Variants in PINX1 observed in about 807,000 individuals in gnomAD.
The protein encoded by PINX1 is PIN2/TERF1-interacting telomerase inhibitor 1.
Under a neutral mutation model 25.4 loss-of-function variants are expected in PINX1, and 34 were observed. The observed-to-expected ratio is 1.34, with a 90% CI of 1.02 to 1.78. The LOEUF is 1.78. Ranked by LOEUF, PINX1 falls within the 40% of genes most tolerant of loss-of-function variation. The pLI is 0.00. For missense variants in PINX1, 592 were observed against 404.9 expected, an observed-to-expected ratio of 1.46 and a Z score of -3.97; for synonymous variants, 197 against 147.7, an observed-to-expected ratio of 1.33 and a Z score of -2.42.
chr8:10,796,602 G>A (rs998180276), intron 6 of PINX1, among the ~76,000 whole-genome samples: 2 of 152,036 alleles, frequency 1.3e-5, no homozygotes, highest in South Asian at 2.1e-4. Flanking sequence ...TAAAATATGG[G>A]AAGTCCTAGA....
intron 3 of PINX1, among the ~76,000 whole-genome samples, chr8:10,831,981 T>G (rs6992312): frequency 0.058 from 8,766 of 152,302 alleles, 302 homozygotes; most frequent in South Asian, 0.079. Context: ...ATTTCAAATG[T>G]GAATGACTTA....
At chr8:10,825,562 G>T in intron 5 of PINX1, 1 of 468,818 alleles carries the variant, frequency 2.1e-6, no homozygotes, top group Non-Finnish European at 4.4e-6. Flanking sequence ...CACATACTGG[G>T]AAGGGGCTAG....
intron 6 of PINX1, among the ~76,000 whole-genome samples, chr8:10,786,881 C>T (rs1354358190): frequency 1.3e-5 from 2 of 152,312 alleles, no homozygotes; most frequent in East Asian, 3.9e-4. Context: ...GCAGATTGCA[C>T]CCCACTGTGG....
chr8:10,824,784 G>A (rs1797986704), intron 5 of PINX1, among the ~76,000 whole-genome samples: 2 of 152,326 alleles, frequency 1.3e-5, no homozygotes, highest in Middle Eastern at 3.4e-3. Flanking sequence ...AGGTCACTGA[G>A]TTTTATTAAT....
At chr8:10,804,954 T>C (rs934141326) in intron 6 of PINX1, among the ~76,000 whole-genome samples, 1 of 151,246 alleles carries the variant, frequency 6.6e-6, no homozygotes, top group Non-Finnish European at 1.5e-5. Context: ...CGAGAAGACT[T>C]GGTTTGACGC....
At chr8:10,804,848 C>T (rs1193334478) in intron 6 of PINX1, among the ~76,000 whole-genome samples, 1 of 151,852 alleles carries the variant, frequency 6.6e-6, no homozygotes, top group Non-Finnish European at 1.5e-5. Flanking sequence ...TGTACTTTGT[C>T]CCCCACAACC....
At chr8:10,835,974 T>G (rs1038925111) in intron 1 of PINX1, among the ~76,000 whole-genome samples, 10 of 152,200 alleles carry the variant, frequency 6.6e-5, no homozygotes, top group Middle Eastern at 3.4e-3. Flanking sequence ...AGCACAAGAA[T>G]GTCAAACTGA....
rs2271355 is a variant in PINX1 at position 10,834,648 on chromosome 8, C to T, written c.129+18G>A. On this transcript the variant is annotated intron_variant, in intron 2 of 6. Transcript: ENST00000314787. ...TCTTTTCATAGCTCAGATTTTTTTC[C>T]GCTTTTCTCCAAAATACCTTTCCTT... is the stretch of plus-strand genomic sequence containing the variant. 0.54 allele frequency: 861,519 copies of T among 1,605,908 alleles called. 238,294 individuals are homozygous for T. The highest frequency in any genetic ancestry group is 0.69 in the African/African-American group (51,308 of 74,636).
chr8:10,775,502 A>C (rs997243549), intron 6 of PINX1, among the ~76,000 whole-genome samples: 3 of 151,036 alleles, frequency 2.0e-5, no homozygotes, highest in African/African-American at 7.3e-5. Flanking sequence ...AAGTTAAAAA[A>C]GTTAGCAGAA....
At chr8:10,794,550 C>A (rs906789996) in intron 6 of PINX1, among the ~76,000 whole-genome samples, 20 of 151,964 alleles carry the variant, frequency 1.3e-4, no homozygotes, top group Admixed American at 6.6e-5. Flanking sequence ...GATTCTCCTG[C>A]CAAGTAGCTG....
intron 6 of PINX1, among the ~76,000 whole-genome samples, chr8:10,791,635 C>T (rs755903472): frequency 3.3e-5 from 5 of 152,172 alleles, no homozygotes; most frequent in Non-Finnish European, 7.3e-5. Context: ...TTTAAAAGGA[C>T]TGGTGGGTTA....
At chr8:10,830,779 C>T (rs1344721635) in intron 4 of PINX1, among the ~76,000 whole-genome samples, 1 of 152,170 alleles carries the variant, frequency 6.6e-6, no homozygotes, top group East Asian at 1.9e-4. Context: ...TCATCTCACA[C>T]CCATTAGGAT....
Position 10,802,525 on chromosome 8 carries a change from C to G in PINX1, c.471+17668G>C, listed in dbSNP as rs543429437. ...TTGGGCTTGCTCCCATTCTGAAACT[C>G]CTATCTCTTTGCCAGAATCCAGTAT... is the stretch of plus-strand genomic sequence containing the variant. On this transcript the variant is annotated intron_variant, in intron 6 of 6. Transcript: ENST00000314787. 5.3e-5 allele frequency among the ~76,000 whole-genome samples: 8 copies of G among 152,314 alleles called. No homozygotes were observed. The East Asian group carries it at 1.5e-3, about 29-fold the overall frequency.
At chr8:10,766,349 A>G (rs1042867768) in intron 6 of PINX1, among the ~76,000 whole-genome samples, 3 of 152,216 alleles carry the variant, frequency 2.0e-5, no homozygotes, top group African/African-American at 7.2e-5. Flanking sequence ...TTTCATCTTC[A>G]TTATGGGTTA....
chr8:10,834,735 A>C lies in PINX1; in HGVS notation c.60T>G (p.Thr20=), dbSNP rs780950731. The C allele has an allele frequency of 4.2e-5, 68 of 1,613,926 alleles. No individual in the cohort carries two copies. Among genetic ancestry groups the C allele is most frequent in the Non-Finnish European group, 5.6e-5 (66 of 1,179,844 alleles). Residue 20 remains threonine, a synonymous_variant, in exon 2 of 7, where the codon ACT becomes ACG. Transcript: ENST00000314787. The stretch of plus-strand genomic sequence containing the variant: ...ACTTGGAATCGTCATTACTCCAGGC[A>C]GTGTTCTGAGGATCCACAGCCCACT... ...KQKWAVDPQN[T]AWSNDDSKFG...
chr8:10,784,943 C>T (rs1347916562), intron 6 of PINX1, among the ~76,000 whole-genome samples: 1 of 152,214 alleles, frequency 6.6e-6, no homozygotes, highest in African/African-American at 2.4e-5. Flanking sequence ...CATGCAAACT[C>T]TGAGTGAACT....
chr8:10,784,640 C>A (rs145949220), intron 6 of PINX1, among the ~76,000 whole-genome samples: 127 of 152,290 alleles, frequency 8.3e-4, no homozygotes, highest in Non-Finnish European at 1.6e-3. Context: ...AGTTTAAGCA[C>A]TTGTTAAAAA....
intron 6 of PINX1, among the ~76,000 whole-genome samples, chr8:10,783,060 T>C (rs542684007): frequency 3.9e-5 from 6 of 152,292 alleles, no homozygotes; most frequent in South Asian, 4.1e-4. Context: ...GGAGACTCCA[T>C]AGATTGCAAG....
intron 6 of PINX1, among the ~76,000 whole-genome samples, chr8:10,800,629 C>G (rs1232876498): frequency 1.3e-5 from 2 of 152,062 alleles, no homozygotes; most frequent in Non-Finnish European, 2.9e-5. Flanking sequence ...ACCACCACAC[C>G]CAGTTAATGT....
Sources: gnomAD v4.1 joint callset for allele counts (sites outside exome capture counted in the v4.1 genomes callset) on GRCh38, gnomAD v4.1.1 for gene constraint, MANE v1.5 for transcripts, NCBI Gene and HGNC (gene_info 2026-07-23, HGNC 2026-07-21) for gene names.